The following GPAT3 variants were observed in gnomAD, a reference collection of about 807,000 sequenced individuals.
GPAT3 encodes 1-AGP acyltransferase 9.
GPAT3 carries 53 observed loss-of-function variants against 58.8 expected under a neutral mutation model. The observed-to-expected ratio is 0.90, with a 90% confidence interval of 0.72 to 1.13. The LOEUF is 1.13. GPAT3 is among the 50% of genes most tolerant of loss of function. The pLI is 0.00. For missense variants in GPAT3, 511 were observed against 527.6 expected, an observed-to-expected ratio of 0.97 and a Z score of 0.31; for synonymous variants, 197 against 187.4, an observed-to-expected ratio of 1.05 and a Z score of -0.42.
chr4:83,599,125 A>C (rs1726964501), intron 11 of GPAT3, among the ~76,000 whole-genome samples: 1 of 151,888 alleles, frequency 6.6e-6, no homozygotes, highest in African/African-American at 2.4e-5. Context: ...TAATAATGTC[A>C]TTTATCATTC....
At chr4:83,550,653 T>G (rs1560604757) in intron 2 of GPAT3, among the ~76,000 whole-genome samples, 2 of 152,360 alleles carry the variant, frequency 1.3e-5, no homozygotes, top group East Asian at 3.9e-4. Flanking sequence ...AATAATTTCT[T>G]AATATCATCT....
chr4:83,581,538 C>A, intron 2 of GPAT3, 24 bp from the exon 3 acceptor site: 1 of 1,602,218 alleles, frequency 6.2e-7, no homozygotes, highest in South Asian at 1.1e-5. Flanking sequence ...GGCATTTTCT[C>A]ATGTCCTGAT....
chr4:83,596,928 G>T lies in GPAT3; in HGVS notation c.910+15G>T. On this transcript the variant is annotated intron_variant, in intron 8 of 11. Transcript: ENST00000264409. ...TTTTCCTGAAGGTAAGAATGGGCCT[G>T]CCTCCCGAGCTATAGTTGATAACAA... The T allele has an allele frequency of 6.3e-7, 1 of 1,596,930 alleles. No homozygotes were observed. Among genetic ancestry groups the T allele is most frequent in the Non-Finnish European group, 8.5e-7 (1 of 1,170,966 alleles).
intron 2 of GPAT3, among the ~76,000 whole-genome samples, chr4:83,562,120 G>T (rs559175497): frequency 6.9e-6 from 1 of 143,928 alleles, no homozygotes; most frequent in African/African-American, 2.6e-5. Context: ...AAGGCAGGAG[G>T]TTAGGAGAGC....
intron 7 of GPAT3, 68 bp from the exon 8 acceptor site, chr4:83,596,790 G>A (rs1726857860): frequency 8.3e-7 from 1 of 1,206,606 alleles, no homozygotes; most frequent in South Asian, 1.2e-5. Context: ...AAAGTGCAAG[G>A]AATATCAAAA....
chr4:83,558,793 T>C (rs1200091504), intron 2 of GPAT3, among the ~76,000 whole-genome samples: 3 of 152,194 alleles, frequency 2.0e-5, no homozygotes, highest in African/African-American at 7.2e-5. Flanking sequence ...ACTGTTCATA[T>C]TAAGGGTGGC....
intron 2 of GPAT3, among the ~76,000 whole-genome samples, chr4:83,566,418 AT>A (rs576614651): frequency 6.7e-4 from 60 of 90,006 alleles, no homozygotes; most frequent in African/African-American, 2.2e-3. Flanking sequence ...AAATTAATTA[AT>A]TTATTATTAT....
At chr4:83,554,261 C>G (rs922157415) in intron 2 of GPAT3, among the ~76,000 whole-genome samples, 1 of 152,020 alleles carries the variant, frequency 6.6e-6, no homozygotes, top group African/African-American at 2.4e-5. Flanking sequence ...CCAGAGTGCT[C>G]AGATTAAAGG....
At chr4:83,568,005 C>A (rs900295876) in intron 2 of GPAT3, among the ~76,000 whole-genome samples, 5 of 151,832 alleles carry the variant, frequency 3.3e-5, no homozygotes, top group African/African-American at 9.7e-5. Context: ...GTGTAGAATT[C>A]TTTCTTATGA....
At chr4:83,592,075 A>G (rs1363976618) in intron 6 of GPAT3, among the ~76,000 whole-genome samples, 2 of 152,090 alleles carry the variant, frequency 1.3e-5, no homozygotes, top group Non-Finnish European at 2.9e-5. Flanking sequence ...CCCACCTCCC[A>G]AAACTGTTGC....
intron 6 of GPAT3, among the ~76,000 whole-genome samples, chr4:83,591,214 G>A (rs540562063): frequency 1.3e-5 from 2 of 152,186 alleles, no homozygotes; most frequent in South Asian, 2.1e-4. Context: ...ATTAAATGTC[G>A]CTGCAAGTAG....
intron 2 of GPAT3, among the ~76,000 whole-genome samples, chr4:83,560,472 C>A (rs1042494760): frequency 3.3e-5 from 5 of 151,998 alleles, no homozygotes; most frequent in African/African-American, 1.2e-4. Flanking sequence ...TACGTACCTG[C>A]TCATTTCACC....
intron 11 of GPAT3, among the ~76,000 whole-genome samples, chr4:83,601,044 T>C (rs767174974): frequency 2.6e-4 from 40 of 152,150 alleles, no homozygotes; most frequent in Non-Finnish European, 5.3e-4. Flanking sequence ...CAGAGGATGG[T>C]TTAAGGTGTC....
At chr4:83,578,963 T>TCTTTCTTC (rs1560620653) in intron 2 of GPAT3, among the ~76,000 whole-genome samples, 1 of 123,040 alleles carries the variant, frequency 8.1e-6, no homozygotes, top group Admixed American at 8.1e-5. Context: ...TTTCTTTCTT[T>TCTTTCTTC]CTTTCTTTCT....
chr4:83,597,523 A>G lies in GPAT3; in HGVS notation c.996+8A>G. 1 of 1,471,898 alleles carries G rather than the reference A, an allele frequency of 6.8e-7. No homozygotes were observed. The highest frequency in any genetic ancestry group is 1.3e-5 in the South Asian group (1 of 74,110). The allele number at this position is 1,471,898 out of a possible 1,614,324, so 91.2% of individuals were successfully genotyped here. ...CATCCAGTTGCAATTAAGGTAAAACAGATACCATAATAAGAATAATAATTA... is the reference window on the plus strand; with the variant it reads ...CATCCAGTTGCAATTAAGGTAAAACGGATACCATAATAAGAATAATAATTA... On this transcript the variant is annotated splice_region_variant and intron_variant, in intron 9 of 11. Transcript: ENST00000264409.
chr4:83,538,316 G>A (rs1008415133), intron 1 of GPAT3, among the ~76,000 whole-genome samples: 4 of 152,142 alleles, frequency 2.6e-5, no homozygotes, highest in Non-Finnish European at 5.9e-5. Context: ...TGTTTTTAAA[G>A]TTCTACTGTT....
intron 2 of GPAT3, among the ~76,000 whole-genome samples, chr4:83,545,327 G>T (rs549419682): frequency 2.2e-4 from 34 of 152,096 alleles, no homozygotes; most frequent in Non-Finnish European, 4.6e-4. Context: ...TGTAGTCCCA[G>T]CTACTCAGAG....
chr4:83,538,272 G>T (rs1724176202), intron 1 of GPAT3, among the ~76,000 whole-genome samples: 1 of 152,164 alleles, frequency 6.6e-6, no homozygotes, highest in Non-Finnish European at 1.5e-5. Context: ...CCTAGACTTT[G>T]AAGTTGTATG....
intron 2 of GPAT3, among the ~76,000 whole-genome samples, chr4:83,564,150 T>C (rs1167047096): frequency 6.6e-6 from 1 of 152,178 alleles, no homozygotes; most frequent in Non-Finnish European, 1.5e-5. Flanking sequence ...ACTAGGAGTG[T>C]ATGCAAGTGC....
Sources: allele counts gnomAD v4.1 joint callset (sites outside exome capture counted in the v4.1 genomes callset), GRCh38; gene constraint gnomAD v4.1.1; transcripts MANE v1.5; gene names NCBI Gene and HGNC (gene_info 2026-07-23, HGNC 2026-07-21).